WDR49: variants seen among roughly 807,000 people sequenced by gnomAD.
The protein encoded by WDR49 is cilia- and flagella-associated protein 337.
In WDR49, 107 loss-of-function variants were observed where a neutral mutation model predicts 119.5. That is an observed-to-expected ratio of 0.90 (90% confidence interval 0.77 to 1.05). The LOEUF (loss-of-function observed/expected upper bound fraction) is 1.05, where lower values mean the gene tolerates loss of function less well. WDR49 is among the 50% of genes least tolerant of loss of function. The pLI is 0.00. For missense variants in WDR49, 1,240 were observed against 1,220.5 expected, an observed-to-expected ratio of 1.02 and a Z score of -0.24; for synonymous variants, 425 against 418.8, an observed-to-expected ratio of 1.01 and a Z score of -0.18.
chr3:167,502,054 G>A (rs1751592396), intron 17 of WDR49, among the ~76,000 whole-genome samples: 1 of 152,114 alleles, frequency 6.6e-6, no homozygotes, highest in South Asian at 2.1e-4. Flanking sequence ...TATTTTTCAT[G>A]AATTGTTTGG....
At chr3:167,578,221 C>A (rs1213237946) in intron 7 of WDR49, among the ~76,000 whole-genome samples, 1 of 152,090 alleles carries the variant, frequency 6.6e-6, no homozygotes, top group Non-Finnish European at 1.5e-5. Context: ...TTTGTTTCCA[C>A]TTTCTCTCTA....
intron 7 of WDR49, among the ~76,000 whole-genome samples, chr3:167,582,165 C>T (rs574392238): frequency 6.6e-6 from 1 of 151,966 alleles, no homozygotes; most frequent in African/African-American, 2.4e-5. Context: ...AATAGGATAA[C>T]AGGAATGGAG....
intron 2 of WDR49, among the ~76,000 whole-genome samples, chr3:167,647,345 T>C (rs1218801063): frequency 6.6e-6 from 1 of 152,224 alleles, no homozygotes; most frequent in African/African-American, 2.4e-5. Flanking sequence ...TGTAAGTGCC[T>C]GTTGTAAAAG....
At chr3:167,554,853 C>A in intron 9 of WDR49, 55 bp from the exon 10 acceptor site, 1 of 1,287,318 alleles carries the variant, frequency 7.8e-7, no homozygotes, top group Non-Finnish European at 1.1e-6. Context: ...TTTTTATATT[C>A]TGAACCAGGA....
chr3:167,508,523 G>A (rs542025640), intron 16 of WDR49, among the ~76,000 whole-genome samples: 21 of 152,270 alleles, frequency 1.4e-4, no homozygotes, highest in Non-Finnish European at 2.8e-4. Context: ...TCAGGGCTCA[G>A]TTGGTATTGG....
intron 12 of WDR49, among the ~76,000 whole-genome samples, 166 bp from the exon 13 acceptor site, chr3:167,531,445 C>T (rs1488974626): frequency 6.6e-6 from 1 of 152,152 alleles, no homozygotes; most frequent in Non-Finnish European, 1.5e-5. Context: ...TTCTCAACCC[C>T]AACTTGAAGA....
At position 167,527,866 on chromosome 3, in the gene WDR49, A is replaced by G. The variant is rs750945045; in HGVS notation, c.2558T>C (p.Ile853Thr). ...AGCATTGCAGACACCAGTCACACAA[A>G]TACTGCAGTCTGCAGAGGAGGAGAT... ...LIISSSADCS[I>T]CVTGVCNAPV... Residue 853 changes from isoleucine (I) to threonine (T), a missense_variant, in exon 15 of 19, where the codon ATT becomes ACT. Coordinates refer to ENST00000682715, the MANE Select transcript of WDR49 (RefSeq NM_001366157.1). 2 of 1,613,146 alleles carry G rather than the reference A, an allele frequency of 1.2e-6. No homozygotes were observed. Among genetic ancestry groups the G allele is most frequent in the East Asian group, 4.5e-5 (2 of 44,824 alleles).
chr3:167,547,883 A>G (rs1395088736), intron 10 of WDR49, among the ~76,000 whole-genome samples: 1 of 152,032 alleles, frequency 6.6e-6, no homozygotes, highest in Non-Finnish European at 1.5e-5. Context: ...GTTCACTTAC[A>G]TGGCTTTAAC....
At chr3:167,547,190 A>G (rs1468962104) in intron 10 of WDR49, among the ~76,000 whole-genome samples, 1 of 151,876 alleles carries the variant, frequency 6.6e-6, no homozygotes, top group Non-Finnish European at 1.5e-5. Flanking sequence ...TAGTAAGGCA[A>G]TTATTAAGAA....
rs1752759240 is a variant in WDR49, at chr3:167,529,334, T to C, written c.2219-95A>G. The C allele has an allele frequency of 3.4e-6, 4 of 1,163,970 alleles. No homozygotes were observed. The Admixed American group carries it at 1.1e-4, about 32-fold the overall frequency. 72.1% of individuals were successfully genotyped at this position (1,163,970 alleles called of 1,614,324 possible). On this transcript the variant is annotated intron_variant, in intron 13 of 18. Transcript: ENST00000682715. ...TTTCCCTGTGGAAAGCATGTGATGT[T>C]GAAGAGGTGAGTAGCCCTGAGATCA... is the stretch of plus-strand genomic sequence containing the variant.
intron 15 of WDR49, 81 bp from the exon 16 acceptor site, chr3:167,522,565 A>C (rs1479373034): frequency 1.4e-5 from 20 of 1,425,500 alleles, no homozygotes; most frequent in Non-Finnish European, 1.8e-5. Flanking sequence ...CATGTGCTGG[A>C]TTACTAATTA....
chr3:167,641,268 T>C (rs1717870199), intron 2 of WDR49, among the ~76,000 whole-genome samples: 2 of 151,978 alleles, frequency 1.3e-5, no homozygotes, highest in South Asian at 4.1e-4. Context: ...CTGTTGACTC[T>C]TCCCTACTTC....
chr3:167,535,480 T>C (rs565034056), intron 11 of WDR49, among the ~76,000 whole-genome samples: 3 of 151,992 alleles, frequency 2.0e-5, no homozygotes, highest in Non-Finnish European at 4.4e-5. Flanking sequence ...CCAACAGACA[T>C]ACGAAAAAAT....
intron 8 of WDR49, among the ~76,000 whole-genome samples, chr3:167,570,054 A>T (rs569884025): frequency 4.6e-5 from 7 of 152,152 alleles, no homozygotes; most frequent in African/African-American, 1.7e-4. Context: ...CCATCAAGTG[A>T]CTACAGCACA....
At chr3:167,603,382 C>T (rs1011516053) in intron 6 of WDR49, among the ~76,000 whole-genome samples, 6 of 152,110 alleles carry the variant, frequency 3.9e-5, no homozygotes, top group Non-Finnish European at 8.8e-5. Flanking sequence ...TCACCAACTC[C>T]TCTATCCTTC....
chr3:167,528,671 T>G (rs530743252), intron 14 of WDR49, among the ~76,000 whole-genome samples: 1 of 152,180 alleles, frequency 6.6e-6, no homozygotes, highest in South Asian at 2.1e-4. Flanking sequence ...AGAGCTATAA[T>G]CATGCCACTG....
At chr3:167,554,937 T>C in intron 9 of WDR49, 139 bp from the exon 10 acceptor site, 1 of 598,430 alleles carries the variant, frequency 1.7e-6, no homozygotes, top group Non-Finnish European at 2.8e-6. Context: ...ATTACTCTTG[T>C]AATATTGTGA....
At chr3:167,500,930 T>A (rs1172918849) in intron 17 of WDR49, among the ~76,000 whole-genome samples, 1 of 152,174 alleles carries the variant, frequency 6.6e-6, no homozygotes, top group Non-Finnish European at 1.5e-5. Context: ...AGGAACTGGG[T>A]TTTTGTCACG....
At chr3:167,634,186 A>G (rs545299090) in intron 2 of WDR49, among the ~76,000 whole-genome samples, 10 of 152,050 alleles carry the variant, frequency 6.6e-5, no homozygotes, top group Admixed American at 2.0e-4. Flanking sequence ...TATATTATCT[A>G]TATGGTCTTT....
Sources: gnomAD v4.1 joint callset for allele counts (sites outside exome capture counted in the v4.1 genomes callset) on GRCh38, gnomAD v4.1.1 for gene constraint, MANE v1.5 for transcripts, NCBI Gene and HGNC (gene_info 2026-07-23, HGNC 2026-07-21) for gene names.